Variants in CCDC7 observed in about 807,000 individuals in gnomAD.
The protein encoded by CCDC7 is coiled-coil domain-containing protein 7.
Under a neutral mutation model 196.9 loss-of-function variants are expected in CCDC7, and 183 were observed. The ratio of observed to expected loss-of-function variants is 0.93; its 90% confidence interval spans 0.82 to 1.05. CCDC7 has a LOEUF of 1.05. Among genes scored for constraint, CCDC7 ranks in the 50% least tolerant of loss-of-function variants. The pLI is 0.00. For missense variants in CCDC7, 1,540 were observed against 1,482.2 expected, an observed-to-expected ratio of 1.04 and a Z score of -0.64; for synonymous variants, 525 against 484.6, an observed-to-expected ratio of 1.08 and a Z score of -1.10.
chr10:32,863,420 A>G (rs988349992), intron 41 of CCDC7, among the ~76,000 whole-genome samples: 4 of 152,032 alleles, frequency 2.6e-5, no homozygotes, highest in African/African-American at 9.7e-5. Flanking sequence ...TGGCATGATC[A>G]TAGCTCACTG....
intron 28 of CCDC7, among the ~76,000 whole-genome samples, chr10:32,773,232 T>C (rs908942022): frequency 1.4e-4 from 21 of 152,228 alleles, no homozygotes; most frequent in African/African-American, 5.1e-4. Flanking sequence ...TGGGATAATT[T>C]CAGTTACTAT....
At chr10:32,839,637 C>T (rs1425260302) in intron 33 of CCDC7, among the ~76,000 whole-genome samples, 2 of 151,994 alleles carry the variant, frequency 1.3e-5, no homozygotes, top group African/African-American at 2.4e-5. Flanking sequence ...TTGAACTCTA[C>T]CCTACAACAA....
At chr10:32,773,923 T>G (rs915708536) in intron 28 of CCDC7, among the ~76,000 whole-genome samples, 1 of 152,188 alleles carries the variant, frequency 6.6e-6, no homozygotes, top group African/African-American at 2.4e-5. Context: ...ATCACTGCCC[T>G]GTTGTTTTCA....
chr10:32,633,023 A>G (rs759309772), intron 18 of CCDC7, among the ~76,000 whole-genome samples: 1 of 152,104 alleles, frequency 6.6e-6, no homozygotes, highest in African/African-American at 2.4e-5. Context: ...TGTTCAGTCT[A>G]TTATTTAAAG....
chr10:32,597,091 G>A (rs763535962), intron 18 of CCDC7, among the ~76,000 whole-genome samples: 2 of 152,192 alleles, frequency 1.3e-5, no homozygotes, highest in African/African-American at 2.4e-5. Context: ...GGTTGGGGAA[G>A]TTCTCCTGGA....
chr10:32,632,869 C>G (rs947977106), intron 18 of CCDC7, among the ~76,000 whole-genome samples: 2 of 152,112 alleles, frequency 1.3e-5, no homozygotes, highest in African/African-American at 4.8e-5. Flanking sequence ...TATTGCATAT[C>G]TTAGAGATTT....
At chr10:32,720,911 G>A (rs528829149) in intron 25 of CCDC7, among the ~76,000 whole-genome samples, 2 of 152,146 alleles carry the variant, frequency 1.3e-5, no homozygotes, top group South Asian at 4.1e-4. Context: ...GGGCAACATG[G>A]CAAAACCCTG....
chr10:32,688,255 T>A (rs1475692319), intron 22 of CCDC7, among the ~76,000 whole-genome samples: 1 of 152,096 alleles, frequency 6.6e-6, no homozygotes, highest in Non-Finnish European at 1.5e-5. Flanking sequence ...ACTGGTGAGG[T>A]GAACCTGAGA....
At chr10:32,675,900 G>C (rs984707225) in intron 21 of CCDC7, 1 of 151,324 alleles carries the variant, frequency 6.6e-6, no homozygotes, top group Non-Finnish European at 1.5e-5. Flanking sequence ...AGTTCATATG[G>C]AACCAAAAAA....
chr10:32,501,397 A>G lies in CCDC7; in HGVS notation c.872+9400A>G, dbSNP rs1250541658. Among the ~76,000 whole-genome samples the G allele has an allele frequency of 3.3e-5, 5 of 152,058 alleles. No individual in the cohort carries two copies. The East Asian group carries it at 9.7e-4, about 29-fold the overall frequency. ...ATACTTCTGTCAATTCGTCAAACTC[A>G]TTCTCCATCCAGTTTTATTCCCTTG... On this transcript the variant is annotated intron_variant, in intron 9 of 41. Transcript: ENST00000639629.
intron 28 of CCDC7, among the ~76,000 whole-genome samples, chr10:32,735,799 TG>T (rs1458964941): frequency 2.6e-5 from 4 of 152,190 alleles, no homozygotes; most frequent in Non-Finnish European, 5.9e-5. Flanking sequence ...TTATAGTTTT[TG>T]CATTTTATAT....
At chr10:32,684,859 C>A (rs946734089) in intron 21 of CCDC7, among the ~76,000 whole-genome samples, 1 of 152,124 alleles carries the variant, frequency 6.6e-6, no homozygotes, top group Non-Finnish European at 1.5e-5. Flanking sequence ...TGTTAAATAT[C>A]GTATTGATGA....
chr10:32,522,866 A>C (rs1488006801), intron 11 of CCDC7, among the ~76,000 whole-genome samples: 1 of 151,784 alleles, frequency 6.6e-6, no homozygotes, highest in Non-Finnish European at 1.5e-5. Flanking sequence ...TGTTTTCATT[A>C]TTATTTCTTT....
intron 28 of CCDC7, among the ~76,000 whole-genome samples, chr10:32,777,489 T>C (rs11009080): frequency 0.38 from 58,401 of 151,848 alleles, 13,867 homozygotes; most frequent in Non-Finnish European, 0.54. Context: ...TAATTTACAT[T>C]CCCACCAACA....
Position 32,828,934 on chromosome 10 carries a change from C to T in CCDC7, c.3268+4330C>T, listed in dbSNP as rs557175012. ...AGTTCCAGAGGGAGGAACGCTGCCACCAGGAGACACAACAACAATTCAATT... is the reference window on the plus strand; with the variant it reads ...AGTTCCAGAGGGAGGAACGCTGCCATCAGGAGACACAACAACAATTCAATT... On this transcript the variant is annotated intron_variant, in intron 32 of 41. Coordinates refer to ENST00000639629, the Ensembl canonical transcript of CCDC7. 3.3e-5 allele frequency among the ~76,000 whole-genome samples: 5 copies of T among 152,216 alleles called. No homozygotes were observed. In the South Asian group the frequency reaches 6.2e-4, roughly 19 times the overall value.
intron 5 of CCDC7, among the ~76,000 whole-genome samples, chr10:32,468,441 G>T (rs2037292469): frequency 6.6e-6 from 1 of 152,184 alleles, no homozygotes; most frequent in African/African-American, 2.4e-5. Context: ...TGTATCTTGA[G>T]ACTTCGCTGA....
chr10:32,848,807 C>G (rs1483109181), intron 39 of CCDC7, 89 bp downstream of exon 40: 1 of 1,080,340 alleles, frequency 9.3e-7, no homozygotes, highest in African/African-American at 1.6e-5. Flanking sequence ...CTTTTTGCAT[C>G]TTACTTTTTT....
In CCDC7 at chr10:32,694,920, C is replaced by G. The variant is rs556688742; in HGVS notation, c.2386C>G (p.Gln796Glu). 13 of 1,603,984 alleles carry G rather than the reference C, an allele frequency of 8.1e-6. No homozygotes were observed. In the South Asian group the frequency reaches 9.0e-5, roughly 11 times the overall value. ...AGGCAAAAATCTTGTGCTTGAACAT[C>G]AAGATTCAGTGTCAAAACTGGAAAT... is the stretch of plus-strand genomic sequence containing the variant. The change falls in exon 24 of 42, where the codon CAA becomes GAA. Residue 796 changes from glutamine (Q) to glutamate (E), a missense_variant. Coordinates refer to ENST00000639629, the Ensembl canonical transcript of CCDC7.
At chr10:32,517,493 C>T (rs2047199592) in intron 9 of CCDC7, among the ~76,000 whole-genome samples, 2 of 151,468 alleles carry the variant, frequency 1.3e-5, no homozygotes, top group African/African-American at 4.9e-5. Context: ...AAGTGCTAAT[C>T]AAAGTGTCCG....
Sources: allele counts gnomAD v4.1 joint callset (sites outside exome capture counted in the v4.1 genomes callset), GRCh38; gene constraint gnomAD v4.1.1; transcripts MANE v1.5; gene names NCBI Gene and HGNC (gene_info 2026-07-23, HGNC 2026-07-21).